CSMD1: variants seen among roughly 807,000 people sequenced by gnomAD.
CSMD1 encodes CUB and sushi domain-containing protein 1.
A neutral mutation model predicts 417.5 loss-of-function variants in CSMD1; 213 were observed. The observed-to-expected ratio is 0.51, with a 90% confidence interval of 0.46 to 0.57. The LOEUF (loss-of-function observed/expected upper bound fraction) is 0.57. Ranked by LOEUF, CSMD1 falls within the 20% of genes least tolerant of loss-of-function variation. The pLI is 0.00. For missense variants in CSMD1, 6,923 were observed against 4,529.7 expected, an observed-to-expected ratio of 1.53 and a Z score of -15.17; for synonymous variants, 2,862 against 1,736.8, an observed-to-expected ratio of 1.65 and a Z score of -16.11.
intron 30 of CSMD1, among the ~76,000 whole-genome samples, chr8:3,208,231 G>A (rs1395695009): frequency 1.3e-5 from 2 of 151,958 alleles, no homozygotes; most frequent in African/African-American, 4.8e-5. Context: ...GTCATCACTG[G>A]GCCAAAATTT....
intron 3 of CSMD1, among the ~76,000 whole-genome samples, chr8:4,033,664 G>C (rs12678299): frequency 0.4 from 60,932 of 151,944 alleles, 12,572 homozygotes; most frequent in African/African-American, 0.5. Context: ...GGCCACTGAT[G>C]ACTCGTATTT....
chr8:4,369,808 C>A (rs181569401), intron 3 of CSMD1, among the ~76,000 whole-genome samples: 1 of 152,130 alleles, frequency 6.6e-6, no homozygotes, highest in African/African-American at 2.4e-5. Flanking sequence ...CATCCCTTTA[C>A]TTCGAGACTA....
At chr8:4,747,854 C>T (rs2117034780) in intron 1 of CSMD1, among the ~76,000 whole-genome samples, 1 of 152,364 alleles carries the variant, frequency 6.6e-6, no homozygotes, top group South Asian at 2.1e-4. Context: ...GTTCAGGTCT[C>T]TTTTCTGTCA....
intron 26 of CSMD1, among the ~76,000 whole-genome samples, chr8:3,276,003 C>G (rs148770879): frequency 0.074 from 11,194 of 152,250 alleles, 500 homozygotes; most frequent in Middle Eastern, 0.11. Context: ...AGGAGAGGCA[C>G]TCTGCTTTTT....
At chr8:4,099,137 C>T (rs1801172503) in intron 3 of CSMD1, among the ~76,000 whole-genome samples, 1 of 151,752 alleles carries the variant, frequency 6.6e-6, no homozygotes, top group Non-Finnish European at 1.5e-5. Flanking sequence ...TGGATTCCTT[C>T]TTTCAGGCCC....
intron 3 of CSMD1, among the ~76,000 whole-genome samples, chr8:4,172,614 C>A (rs968414173): frequency 6.6e-6 from 1 of 152,160 alleles, no homozygotes; most frequent in Non-Finnish European, 1.5e-5. Flanking sequence ...GCTCATGGAA[C>A]CCACCCTCCT....
chr8:3,949,761 C>T (rs921304079), intron 5 of CSMD1, among the ~76,000 whole-genome samples: 2 of 152,238 alleles, frequency 1.3e-5, no homozygotes, highest in South Asian at 2.1e-4. Flanking sequence ...CTCCAAGAAG[C>T]GCACAAGACA....
In CSMD1 at chr8:3,127,414, A is replaced by G. The variant is rs1477294685; in HGVS notation, c.6242-8827T>C. ...AGCATATCAACTTTATGTACAAATT[A>G]TGGTTTGTATACAAGCAACAGTTTG... On this transcript the variant is annotated intron_variant, in intron 41 of 69. Coordinates refer to ENST00000635120, the MANE Select transcript of CSMD1 (RefSeq NM_033225.6). The G allele has an allele frequency of 3.3e-5, 5 of 152,204 alleles. No individual in the cohort carries two copies. The East Asian group carries it at 7.7e-4, about 23-fold the overall frequency. 9.4% of individuals were successfully genotyped at this position (152,204 alleles called of 1,614,324 possible). A position where few individuals can be genotyped will look rare whatever the true frequency, so the allele number is the denominator to read the frequency against.
chr8:4,060,493 G>A (rs530989738), intron 3 of CSMD1, among the ~76,000 whole-genome samples: 6 of 152,264 alleles, frequency 3.9e-5, no homozygotes, highest in African/African-American at 1.4e-4. Context: ...GGAAGGAGCT[G>A]AGGTTTTAGA....
At chr8:4,813,573 T>C (rs1486834088) in intron 1 of CSMD1, among the ~76,000 whole-genome samples, 1 of 152,156 alleles carries the variant, frequency 6.6e-6, no homozygotes, top group Admixed American at 6.5e-5. Context: ...TAGAGAAACA[T>C]GTTCATCAAA....
intron 1 of CSMD1, among the ~76,000 whole-genome samples, chr8:4,986,585 C>A (rs999744790): frequency 6.6e-6 from 1 of 151,814 alleles, no homozygotes; most frequent in Non-Finnish European, 1.5e-5. Flanking sequence ...TCAGAGTATA[C>A]TAAACAGTAA....
At chr8:3,262,822 A>G (rs895999714) in intron 26 of CSMD1, among the ~76,000 whole-genome samples, 1 of 152,264 alleles carries the variant, frequency 6.6e-6, no homozygotes, top group Admixed American at 6.5e-5. Flanking sequence ...ACATAAGTAA[A>G]TGAATTCTAC....
intron 7 of CSMD1, among the ~76,000 whole-genome samples, chr8:3,696,209 G>C (rs1160258955): frequency 6.6e-6 from 1 of 152,250 alleles, no homozygotes; most frequent in East Asian, 1.9e-4. Context: ...CCTTCAAACA[G>C]ACAGTTCAAA....
chr8:3,523,720 T>A (rs116692843), intron 10 of CSMD1, among the ~76,000 whole-genome samples: 3 of 142,846 alleles, frequency 2.1e-5, no homozygotes, highest in African/African-American at 7.9e-5. Context: ...CACACACATA[T>A]GCATGCACAC....
At position 3,110,352 on chromosome 8, in the gene CSMD1, G is replaced by A. The variant is rs1554427010; in HGVS notation, c.6431-17C>T. ...CACAAGGGGCTGCAAAGGAAACCAA[G>A]AAAAAACAAGCGCCATACAGCTGAT... On this transcript the variant is annotated splice_polypyrimidine_tract_variant and intron_variant, in intron 42 of 69. Transcript: ENST00000635120. 6.3e-7 allele frequency: 1 copy of A among 1,579,692 alleles called. No individual in the cohort carries two copies. The highest frequency in any genetic ancestry group is 8.6e-7 in the Non-Finnish European group (1 of 1,164,068).
At chr8:3,900,524 C>T (rs1203098490) in intron 5 of CSMD1, among the ~76,000 whole-genome samples, 1 of 151,054 alleles carries the variant, frequency 6.6e-6, no homozygotes, top group Non-Finnish European at 1.5e-5. Context: ...GATGACACTA[C>T]AGCTGGGTGA....
At chr8:3,766,506 C>T (rs555724299) in intron 5 of CSMD1, among the ~76,000 whole-genome samples, 136 of 152,204 alleles carry the variant, frequency 8.9e-4, no homozygotes, top group African/African-American at 3.2e-3. Flanking sequence ...ACACCCTTTG[C>T]CTCCTATAAT....
rs73173817 is a variant in CSMD1, at chr8:4,096,852, T to C, written c.416-64753A>G. Among the ~76,000 whole-genome samples, 517 of 152,276 alleles carry C rather than the reference T, an allele frequency of 3.4e-3. 3 individuals are homozygous for C. Among genetic ancestry groups the C allele is most frequent in the Middle Eastern group, 6.8e-3 (2 of 294 alleles). ...ATTTAATGGAGGTGTGTGTCTCAGGTAAAGGATTCCTGCAAAGCCATCTTG... is the reference window on the plus strand; with the variant it reads ...ATTTAATGGAGGTGTGTGTCTCAGGCAAAGGATTCCTGCAAAGCCATCTTG... On this transcript the variant is annotated intron_variant, in intron 3 of 69. Coordinates refer to ENST00000635120, the MANE Select transcript of CSMD1 (RefSeq NM_033225.6).
At chr8:4,192,540 G>T (rs1006830579) in intron 3 of CSMD1, among the ~76,000 whole-genome samples, 2 of 152,030 alleles carry the variant, frequency 1.3e-5, no homozygotes, top group Non-Finnish European at 2.9e-5. Flanking sequence ...AGCAACAGGG[G>T]CTTTTATCTA....
Sources: gnomAD v4.1 joint callset for allele counts (sites outside exome capture counted in the v4.1 genomes callset) on GRCh38, gnomAD v4.1.1 for gene constraint, MANE v1.5 for transcripts, NCBI Gene and HGNC (gene_info 2026-07-23, HGNC 2026-07-21) for gene names.